The following TRPM3 variants were observed in gnomAD, a reference collection of about 807,000 sequenced individuals.
TRPM3 encodes the protein long transient receptor potential channel 3.
In TRPM3, 77 loss-of-function variants were observed where a neutral mutation model predicts 181.2. The observed-to-expected ratio is 0.42, with a 90% CI of 0.35 to 0.51. The LOEUF is 0.51. Ranked by LOEUF, TRPM3 falls within the 20% of genes least tolerant of loss-of-function variation. The pLI, the probability that TRPM3 is intolerant of heterozygous loss-of-function variation, is 0.01. For synonymous variants in TRPM3, 745 were observed against 796.4 expected (o/e 0.94, Z 1.09); for missense variants, 1,759 against 2,196.7 (o/e 0.80, Z 3.98).
intron 1 of TRPM3, among the ~76,000 whole-genome samples, chr9:71,241,425 T>C (rs1211738265): frequency 7.0e-6 from 1 of 142,052 alleles, no homozygotes; most frequent in Non-Finnish European, 1.5e-5. Flanking sequence ...ATGTTCTCAC[T>C]CATAGGTGGG....
intron 1 of TRPM3, among the ~76,000 whole-genome samples, chr9:71,351,847 G>C (rs1199519136): frequency 6.6e-6 from 1 of 150,384 alleles, no homozygotes; most frequent in Non-Finnish European, 1.5e-5. Flanking sequence ...TAAAGGAAAT[G>C]GGAAGTTTTT....
chr9:71,325,127 TA>T (rs895281310), intron 1 of TRPM3, among the ~76,000 whole-genome samples: 4 of 152,054 alleles, frequency 2.6e-5, no homozygotes, highest in African/African-American at 9.7e-5. Flanking sequence ...TATATATATG[TA>T]AAAAAATTTC....
intron 1 of TRPM3, among the ~76,000 whole-genome samples, chr9:71,429,709 T>G (rs2093927670): frequency 6.6e-6 from 1 of 152,180 alleles, no homozygotes; most frequent in Non-Finnish European, 1.5e-5. Flanking sequence ...CCCTAATCTT[T>G]CCCTAAGTGT....
intron 1 of TRPM3, among the ~76,000 whole-genome samples, chr9:70,955,270 T>C (rs973038433): frequency 7.9e-5 from 12 of 152,184 alleles, no homozygotes; most frequent in Non-Finnish European, 1.5e-4. Context: ...TAGGGACACT[T>C]GTTGGAGGCT....
At chr9:71,061,107 G>A (rs189237392) in intron 1 of TRPM3, among the ~76,000 whole-genome samples, 39 of 152,118 alleles carry the variant, frequency 2.6e-4, no homozygotes, top group African/African-American at 8.9e-4. Flanking sequence ...TCAGCCAGGT[G>A]CCGTGTACAA....
At chr9:71,196,958 T>G (rs950473082) in intron 1 of TRPM3, among the ~76,000 whole-genome samples, 1 of 13,976 alleles carries the variant, frequency 7.2e-5, no homozygotes, top group African/African-American at 1.8e-4. Context: ...CATGCTGGTG[T>G]GCTGCACCCA....
chr9:70,746,131 A>G (rs535863099), intron 8 of TRPM3, among the ~76,000 whole-genome samples: 2 of 152,252 alleles, frequency 1.3e-5, no homozygotes, highest in African/African-American at 4.8e-5. Flanking sequence ...TGGTGCTGAC[A>G]CCCTGACCTG....
At chr9:70,992,165 A>G (rs541934378) in intron 1 of TRPM3, among the ~76,000 whole-genome samples, 2 of 152,334 alleles carry the variant, frequency 1.3e-5, no homozygotes, top group Admixed American at 6.5e-5. Flanking sequence ...CTTGTGCTAC[A>G]ATGATGCCCA....
intron 1 of TRPM3, among the ~76,000 whole-genome samples, chr9:71,247,317 G>GC (rs2082085924): frequency 7.7e-6 from 1 of 129,824 alleles, no homozygotes. Flanking sequence ...TCATGCCTCT[G>GC]CACTCCAGCC....
rs2131532687 is a variant in TRPM3, at chr9:70,530,632, C to T, written c.*5321G>A. 6.6e-6 allele frequency: 1 copy of T among 152,288 alleles called. No homozygotes were observed. Among genetic ancestry groups the T allele is most frequent in the South Asian group, 2.1e-4 (1 of 4,822 alleles). The allele number at this position is 152,288 out of a possible 1,614,324, so 9.4% of individuals were successfully genotyped here. On this transcript the variant is annotated 3_prime_UTR_variant, in exon 26 of 26. Transcript: ENST00000677713. ...ATGACCTGTAGAAACAGTCACGTTG[C>T]TTTCATTAGCAGTGATGAGTGCAAG...
At chr9:70,697,335 T>G (rs1269004271) in intron 8 of TRPM3, among the ~76,000 whole-genome samples, 1 of 152,200 alleles carries the variant, frequency 6.6e-6, no homozygotes, top group African/African-American at 2.4e-5. Context: ...TATTTCAAGC[T>G]CAGATGGAAT....
At chr9:71,193,450 C>T (rs2078152248) in intron 1 of TRPM3, among the ~76,000 whole-genome samples, 1 of 151,660 alleles carries the variant, frequency 6.6e-6, no homozygotes, top group South Asian at 2.1e-4. Flanking sequence ...AATTCAAATC[C>T]CCAAATCTCC....
rs1159797201 is a variant in TRPM3, at chr9:70,640,598, C to T, written c.1408G>A (p.Ala470Thr). 5.6e-6 allele frequency: 9 copies of T among 1,613,596 alleles called. No homozygotes were observed. The highest frequency in any genetic ancestry group is 2.2e-5 in the East Asian group (1 of 44,886). The change falls in exon 10 of 26, where the codon GCT becomes ACT. Residue 470 changes from alanine (A) to threonine (T), a missense_variant. By Grantham distance (58) the Ala-to-Thr change is moderately conservative. This residue lies in a region of TRPM3 where 737 missense variants were observed against 957.4 expected (regional missense o/e 0.77). Coordinates refer to ENST00000677713, the MANE Select transcript of TRPM3 (RefSeq NM_001366145.2). The stretch of plus-strand genomic sequence containing the variant: ...CCGTAAATAAAGATCTGGCTGCGAG[C>T]GATGTCGACTCTGTTCCAGGCTAAA... ...LALAWNRVDI[A>T]RSQIFIYGQQ...
intron 6 of TRPM3, among the ~76,000 whole-genome samples, chr9:70,800,567 C>T (rs961084648): frequency 6.6e-6 from 1 of 152,172 alleles, no homozygotes; most frequent in Admixed American, 6.6e-5. Context: ...CAACCCTCCT[C>T]TTCTTCTTTC....
At chr9:70,644,601 A>G (rs568762821) in intron 9 of TRPM3, among the ~76,000 whole-genome samples, 1 of 152,356 alleles carries the variant, frequency 6.6e-6, no homozygotes, top group Non-Finnish European at 1.5e-5. Context: ...AGCCAATATC[A>G]TACTGAATGG....
intron 1 of TRPM3, among the ~76,000 whole-genome samples, chr9:71,207,309 A>T (rs2079182736): frequency 6.6e-6 from 1 of 152,150 alleles, no homozygotes; most frequent in Admixed American, 6.5e-5. Context: ...TGTTTAATTT[A>T]AAAATAATTA....
At chr9:71,227,583 C>T (rs2131885473) in intron 1 of TRPM3, among the ~76,000 whole-genome samples, 1 of 151,586 alleles carries the variant, frequency 6.6e-6, no homozygotes, top group East Asian at 1.9e-4. Flanking sequence ...AATTGACAAA[C>T]CTTTAGCCAG....
At position 70,937,149 on chromosome 9, in the gene TRPM3, C is replaced by A. The variant is rs180734473; in HGVS notation, c.178-72638G>T. ...ATGGCAAGAGTTGATAACTTCTTTT[C>A]ATAATTGTACATTTCAAAAAAAAAA... is the stretch of plus-strand genomic sequence containing the variant. On this transcript the variant is annotated intron_variant, in intron 1 of 25. Coordinates refer to ENST00000677713, the MANE Select transcript of TRPM3 (RefSeq NM_001366145.2). Among the ~76,000 whole-genome samples the A allele has an allele frequency of 1.9e-3, 282 of 152,064 alleles. 6 individuals are homozygous for A. Among genetic ancestry groups the A allele is most frequent in the Admixed American group, 0.015 (224 of 15,274 alleles).
intron 1 of TRPM3, among the ~76,000 whole-genome samples, chr9:70,881,084 AT>A (rs1020119260): frequency 1.3e-5 from 2 of 151,924 alleles, no homozygotes; most frequent in African/African-American, 4.8e-5. Context: ...TTTTTGTTAA[AT>A]TTTTTTTAAC....
Sources: gnomAD v4.1 joint callset for allele counts (sites outside exome capture counted in the v4.1 genomes callset) on GRCh38, gnomAD v4.1.1 for gene constraint, gnomAD v4.1.1 regional missense constraint, MANE v1.5 for transcripts, NCBI Gene and HGNC (gene_info 2026-07-23, HGNC 2026-07-21) for gene names.